Variants in MOB3B observed in about 807,000 individuals in gnomAD.
MOB3B encodes MOB kinase activator-like 2B.
A neutral mutation model predicts 18.7 loss-of-function variants in MOB3B; 7 were observed. The observed-to-expected ratio is 0.37, with a 90% CI of 0.21 to 0.70. The LOEUF (loss-of-function observed/expected upper bound fraction) is 0.70, where lower values mean the gene tolerates loss of function less well. Ranked by LOEUF, MOB3B falls within the 30% of genes least tolerant of loss-of-function variation. MOB3B has a pLI of 0.52. For missense variants in MOB3B, 253 were observed against 281.3 expected, an observed-to-expected ratio of 0.90 and a Z score of 0.72; for synonymous variants, 111 against 99.9, an observed-to-expected ratio of 1.11 and a Z score of -0.66.
chr9:27,505,198 A>G (rs1167939600), intron 1 of MOB3B, among the ~76,000 whole-genome samples: 1 of 152,124 alleles, frequency 6.6e-6, no homozygotes, highest in Non-Finnish European at 1.5e-5. Flanking sequence ...TGTTTTTGCA[A>G]ATGACTGGTG....
At chr9:27,499,236 T>G (rs1442912443) in intron 1 of MOB3B, among the ~76,000 whole-genome samples, 2 of 152,172 alleles carry the variant, frequency 1.3e-5, no homozygotes, top group Admixed American at 1.3e-4. Flanking sequence ...CTTTTATGTA[T>G]GAAGAGACTG....
intron 1 of MOB3B, chr9:27,524,649 T>C: frequency 6.2e-7 from 1 of 1,613,986 alleles, no homozygotes. Flanking sequence ...CACCTTCAAA[T>C]ATTGGAAAGA....
chr9:27,437,179 G>A (rs1000221389), intron 2 of MOB3B, among the ~76,000 whole-genome samples: 41 of 152,138 alleles, frequency 2.7e-4, no homozygotes, highest in African/African-American at 9.4e-4. Context: ...GTTGTAGTGG[G>A]AAGATACTGC....
At position 27,529,787 on chromosome 9, in the gene MOB3B, G is replaced by C; in HGVS notation, c.-431C>G. On this transcript the variant is annotated 5_prime_UTR_variant, in exon 1 of 4. Transcript: ENST00000262244. Reference sequence around the variant, plus strand: ...GGAGCAGCCCCCTCATGCACCCAGCGCGCCGCGCAGCCGGCCGGGGCTCGA... The same window carrying C: ...GGAGCAGCCCCCTCATGCACCCAGCCCGCCGCGCAGCCGGCCGGGGCTCGA... 1.0e-6 allele frequency: 1 copy of C among 985,360 alleles called. No homozygotes were observed. The highest frequency in any genetic ancestry group is 1.2e-6 in the Non-Finnish European group (1 of 829,906). 61.0% of individuals were successfully genotyped at this position (985,360 alleles called of 1,614,324 possible).
chr9:27,455,710 T>C lies in MOB3B; in HGVS notation c.-160A>G. ...CTCTTCTAAACAGCCCCTTCCATCT[T>C]CCTCTTGAATGATTTCCAAGGGAAC... On this transcript the variant is annotated 5_prime_UTR_variant, in exon 2 of 4. Transcript: ENST00000262244. The C allele has an allele frequency of 6.8e-7, 1 of 1,468,470 alleles. No homozygotes were observed. The highest frequency in any genetic ancestry group is 1.4e-5 in the South Asian group (1 of 69,944). 91.0% of individuals were successfully genotyped at this position (1,468,470 alleles called of 1,614,324 possible). A position where few individuals can be genotyped will look rare whatever the true frequency, so the allele number is the denominator to read the frequency against.
intron 1 of MOB3B, among the ~76,000 whole-genome samples, chr9:27,479,026 T>C (rs1680996124): frequency 6.6e-6 from 1 of 152,308 alleles, no homozygotes; most frequent in African/African-American, 2.4e-5. Context: ...AAAAAACCTG[T>C]CAAACTAATA....
intron 2 of MOB3B, among the ~76,000 whole-genome samples, chr9:27,393,443 A>T (rs1411344618): frequency 6.6e-6 from 1 of 151,776 alleles, no homozygotes; most frequent in Non-Finnish European, 1.5e-5. Context: ...ATGAGGAGGT[A>T]GTTGCTCTGT....
chr9:27,418,666 C>T (rs1490216105), intron 2 of MOB3B, among the ~76,000 whole-genome samples: 1 of 152,110 alleles, frequency 6.6e-6, no homozygotes, highest in East Asian at 1.9e-4. Flanking sequence ...GAAAAATCAG[C>T]ATACAAGGGA....
intron 1 of MOB3B, among the ~76,000 whole-genome samples, chr9:27,495,360 A>G (rs28608574): frequency 6.6e-6 from 1 of 152,038 alleles, no homozygotes; most frequent in African/African-American, 2.4e-5. Flanking sequence ...ATAAATAAAT[A>G]AATAAATTAA....
intron 3 of MOB3B, among the ~76,000 whole-genome samples, chr9:27,332,575 T>C (rs1020826960): frequency 6.6e-6 from 1 of 152,170 alleles, no homozygotes; most frequent in Non-Finnish European, 1.5e-5. Flanking sequence ...TGACCTCCAA[T>C]GGACAGAGGA....
intron 2 of MOB3B, among the ~76,000 whole-genome samples, chr9:27,436,135 C>A (rs188723607): frequency 5.3e-5 from 8 of 152,332 alleles, no homozygotes; most frequent in African/African-American, 1.4e-4. Context: ...CCCTTCTGGT[C>A]TCACCTAAAG....
At chr9:27,505,055 C>T (rs549378123) in intron 1 of MOB3B, among the ~76,000 whole-genome samples, 1 of 152,294 alleles carries the variant, frequency 6.6e-6, no homozygotes, top group East Asian at 1.9e-4. Context: ...GAACAATCAC[C>T]CATCTCAATA....
At chr9:27,456,673 T>C (rs766884447) in intron 1 of MOB3B, among the ~76,000 whole-genome samples, 12 of 152,200 alleles carry the variant, frequency 7.9e-5, no homozygotes, top group Non-Finnish European at 1.6e-4. Flanking sequence ...CCGTCCTTTA[T>C]ACCCTTCATC....
chr9:27,461,480 G>A (rs1405863133), intron 1 of MOB3B, among the ~76,000 whole-genome samples: 2 of 152,176 alleles, frequency 1.3e-5, no homozygotes, highest in Non-Finnish European at 2.9e-5. Context: ...ACTGCATTTT[G>A]TTACATTAGT....
At chr9:27,338,551 AAGAG>A (rs1346469510) in intron 3 of MOB3B, among the ~76,000 whole-genome samples, 2 of 152,176 alleles carry the variant, frequency 1.3e-5, no homozygotes, top group Non-Finnish European at 2.9e-5. Flanking sequence ...TCCCCGGAAA[AAGAG>A]AGGAGAGAAA....
At chr9:27,336,184 G>T (rs940100654) in intron 3 of MOB3B, among the ~76,000 whole-genome samples, 1 of 152,164 alleles carries the variant, frequency 6.6e-6, no homozygotes, top group African/African-American at 2.4e-5. Context: ...ACTTGCCCAA[G>T]TTCACCCAGC....
At chr9:27,414,707 G>A (rs1822120238) in intron 2 of MOB3B, among the ~76,000 whole-genome samples, 1 of 152,110 alleles carries the variant, frequency 6.6e-6, no homozygotes, top group South Asian at 2.1e-4. Context: ...AGGTGACACG[G>A]TCATGAGGTT....
intron 1 of MOB3B, among the ~76,000 whole-genome samples, chr9:27,477,245 C>T (rs1284378320): frequency 6.6e-6 from 1 of 152,202 alleles, no homozygotes; most frequent in African/African-American, 2.4e-5. Context: ...CTTGCATAGC[C>T]AATCCTGCCT....
intron 1 of MOB3B, chr9:27,524,990 C>G: frequency 6.6e-7 from 1 of 1,513,864 alleles, no homozygotes; most frequent in Non-Finnish European, 8.9e-7. Flanking sequence ...AATTCCTTTT[C>G]CCTCCGAAAT....
Sources: gnomAD v4.1 joint callset for allele counts (sites outside exome capture counted in the v4.1 genomes callset) on GRCh38, gnomAD v4.1.1 for gene constraint, MANE v1.5 for transcripts, NCBI Gene and HGNC (gene_info 2026-07-23, HGNC 2026-07-21) for gene names.